Variants in KCTD17 observed in about 807,000 individuals in gnomAD.
KCTD17 encodes the protein BTB/POZ domain-containing protein KCTD17.
A neutral mutation model predicts 41.5 loss-of-function variants in KCTD17; 20 were observed. The observed-to-expected ratio is 0.48, with a 90% CI of 0.34 to 0.70. KCTD17 has a LOEUF of 0.70. Ranked by LOEUF, KCTD17 falls within the 30% of genes least tolerant of loss-of-function variation. KCTD17 has a pLI of 0.01. For synonymous variants in KCTD17, 156 were observed against 173.8 expected, an observed-to-expected ratio of 0.90 and a Z score of 0.80; for missense variants, 317 against 427.2, an observed-to-expected ratio of 0.74 and a Z score of 2.27.
chr22:37,062,074 C>T, intron 8 of KCTD17: 1 of 981,128 alleles, frequency 1.0e-6, no homozygotes, highest in Non-Finnish European at 1.2e-6. Context: ...TTTCTGCCTG[C>T]TCTGTGACCT....
At position 37,053,890 on chromosome 22, in the gene KCTD17, A is replaced by G. The variant is rs373194937; in HGVS notation, c.298+682A>G. On this transcript the variant is annotated intron_variant, in intron 2 of 8. Coordinates refer to ENST00000403888, the MANE Select transcript of KCTD17 (RefSeq NM_001282684.2). The surrounding 1 kb of genome is among the most constrained non-coding windows in gnomAD (Gnocchi z 4.1). Reference sequence around the variant, plus strand: ...GCAGCCAGGGGCAAGGACTACAGTCAGTGCCAAGTTAACTCTTCTTTGGGA... The same window carrying G: ...GCAGCCAGGGGCAAGGACTACAGTCGGTGCCAAGTTAACTCTTCTTTGGGA... Among the ~76,000 whole-genome samples the G allele has an allele frequency of 1.1e-4, 17 of 152,226 alleles. No individual in the cohort carries two copies. Among genetic ancestry groups the G allele is most frequent in the South Asian group, 8.3e-4 (4 of 4,836 alleles).
chr22:37,055,750 C>T (rs1925030095), intron 2 of KCTD17, among the ~76,000 whole-genome samples: 1 of 152,140 alleles, frequency 6.6e-6, no homozygotes, highest in South Asian at 2.1e-4. Context: ...AGGGTATGTG[C>T]TTACAGTGGG....
rs1298032238 is a variant in KCTD17, at chr22:37,061,023, G to T, written c.713-81G>T. ...CAGAACCGGGGGCCCCGGGGCTGCTGGGGGGGCACCAGGGTTAGCTCAGCC... is the reference window on the plus strand; with the variant it reads ...CAGAACCGGGGGCCCCGGGGCTGCTTGGGGGGCACCAGGGTTAGCTCAGCC... On this transcript the variant is annotated intron_variant, in intron 6 of 8. Transcript: ENST00000403888. This position sits in a 1 kb window ranked among gnomAD's most constrained non-coding sequence, Gnocchi z 6.6. 1.6e-5 allele frequency: 25 copies of T among 1,548,124 alleles called. No homozygotes were observed. The highest frequency in any genetic ancestry group is 9.6e-5 in the African/African-American group (7 of 72,912).
chr22:37,062,488 C>T (rs1417847797), intron 8 of KCTD17, 37 bp from the exon 9 acceptor site: 6 of 1,599,574 alleles, frequency 3.8e-6, no homozygotes, highest in Admixed American at 3.4e-5. Flanking sequence ...ACCTCCGCCC[C>T]TCCCATCCTC....
chr22:37,061,705 G>A lies in KCTD17; in HGVS notation c.875+76G>A. 4.6e-6 allele frequency: 7 copies of A among 1,508,260 alleles called. No homozygotes were observed. Among genetic ancestry groups the A allele is most frequent in the Non-Finnish European group, 5.3e-6 (6 of 1,125,974 alleles). The allele number at this position is 1,508,260 out of a possible 1,614,324, so 93.4% of individuals were successfully genotyped here. A position where few individuals can be genotyped will look rare whatever the true frequency, so the allele number is the denominator to read the frequency against. On this transcript the variant is annotated intron_variant, in intron 8 of 8. Transcript: ENST00000403888. This position sits in a 1 kb window ranked among gnomAD's most constrained non-coding sequence, Gnocchi z 6.6. ...ATCTCTTGATCCTTGGACTTGAGCC[G>A]AGCTTTCGGCTGATTATCTCCACCC...
intron 1 of KCTD17, 153 bp downstream of exon 1, chr22:37,052,102 G>A: frequency 1.0e-6 from 1 of 963,816 alleles, no homozygotes; most frequent in South Asian, 2.5e-5. Flanking sequence ...AGGAGGGGAG[G>A]GGGAGGTGGG....
chr22:37,052,163 C>T (rs1468264440), intron 1 of KCTD17: 1 of 633,690 alleles, frequency 1.6e-6, no homozygotes, highest in Non-Finnish European at 2.4e-6. Flanking sequence ...CGACGCAGGC[C>T]GCGGCCATTA....
intron 2 of KCTD17, chr22:37,054,949 A>G (rs1334071136): frequency 1.3e-5 from 2 of 152,188 alleles, no homozygotes; most frequent in Non-Finnish European, 2.9e-5. Context: ...GCTTATGAAA[A>G]TCAGAAATTT....
chr22:37,055,461 C>T (rs1270565071), intron 2 of KCTD17: 2 of 152,262 alleles, frequency 1.3e-5, no homozygotes, highest in African/African-American at 4.8e-5. Flanking sequence ...TTTTGGGGAA[C>T]ACACACATTC....
At position 37,062,706 on chromosome 22, in the gene KCTD17, A is replaced by C; in HGVS notation, c.*112A>C. 1 of 1,525,594 alleles carries C rather than the reference A, an allele frequency of 6.6e-7. No individual in the cohort carries two copies. Among genetic ancestry groups the C allele is most frequent in the Non-Finnish European group, 8.8e-7 (1 of 1,135,128 alleles). The allele number at this position is 1,525,594 out of a possible 1,614,324, so 94.5% of individuals were successfully genotyped here. ...GGGGCTGTGACTTACTCCTGCCTCC[A>C]GGGGCGGGGCGGGGCCCCCCTGGGA... On this transcript the variant is annotated 3_prime_UTR_variant, in exon 9 of 9. Coordinates refer to ENST00000403888, the MANE Select transcript of KCTD17 (RefSeq NM_001282684.2).
intron 8 of KCTD17, 124 bp from the exon 9 acceptor site, chr22:37,062,397 CCTCT>C: frequency 1.2e-5 from 16 of 1,362,246 alleles, no homozygotes; most frequent in African/African-American, 1.5e-5. Context: ...GACTCAACTG[CCTCT>C]CTCTCTCTCC....
chr22:37,057,743 C>A (rs1925314114), intron 4 of KCTD17, among the ~76,000 whole-genome samples: 3 of 152,204 alleles, frequency 2.0e-5, no homozygotes. Flanking sequence ...TGGTGGGAGT[C>A]CTCACAGCAA....
At chr22:37,055,877 G>A (rs1925044761) in intron 2 of KCTD17, among the ~76,000 whole-genome samples, 2 of 152,240 alleles carry the variant, frequency 1.3e-5, no homozygotes, top group African/African-American at 2.4e-5. Flanking sequence ...GTTCAATGCA[G>A]ATGATGAAAG....
Position 37,051,813 on chromosome 22 carries a change from C to T in KCTD17, c.53C>T (p.Ala18Val). The change falls in exon 1 of 9, where the codon GCC becomes GTC. Residue 18 changes from alanine to valine, a missense_variant. By Grantham distance (64) the Ala-to-Val change is moderately conservative. This residue lies in a region of KCTD17 where 99 missense variants were observed against 166.5 expected (regional missense o/e 0.59). Coordinates refer to ENST00000403888, the MANE Select transcript of KCTD17 (RefSeq NM_001282684.2). ...AAPPAGAGGR[A>V]AGGWGKWVRL... is the part of the protein sequence containing the mutation. ...CCGCCGGCGGGGGCGGGCGGCCGCG[C>T]CGCAGGCGGCTGGGGCAAGTGGGTG... 1 of 1,283,204 alleles carries T rather than the reference C, an allele frequency of 7.8e-7. No homozygotes were observed. The highest frequency in any genetic ancestry group is 9.8e-7 in the Non-Finnish European group (1 of 1,015,504). 79.5% of individuals were successfully genotyped at this position (1,283,204 alleles called of 1,614,324 possible).
chr22:37,054,299 G>A (rs537299318), intron 2 of KCTD17, among the ~76,000 whole-genome samples: 12 of 152,284 alleles, frequency 7.9e-5, no homozygotes, highest in East Asian at 3.9e-4. Context: ...CAGCTGCGTC[G>A]CAGCCAGCAC....
Position 37,060,933 on chromosome 22 carries a change from C to T in KCTD17, c.712+11C>T. On this transcript the variant is annotated intron_variant, in intron 6 of 8. Coordinates refer to ENST00000403888, the MANE Select transcript of KCTD17 (RefSeq NM_001282684.2). The stretch of plus-strand genomic sequence containing the variant: ...ATGCACAGGAGAAAGGTGCAGCCAA[C>T]CCCCAGGAGGATGATTGCTAAGCAA... 1.3e-6 allele frequency: 2 copies of T among 1,537,208 alleles called. No homozygotes were observed. Among genetic ancestry groups the T allele is most frequent in the Admixed American group, 2.0e-5 (1 of 50,062 alleles).
At position 37,061,338 on chromosome 22, in the gene KCTD17, C is replaced by A; in HGVS notation, c.784+163C>A. 6.7e-7 allele frequency: 1 copy of A among 1,488,346 alleles called. No homozygotes were observed. The highest frequency in any genetic ancestry group is 1.3e-5 in the South Asian group (1 of 74,916). 92.2% of individuals were successfully genotyped at this position (1,488,346 alleles called of 1,614,324 possible). ...CGTGCCCTCCACCCAGGCCCCCTGG[C>A]CCTGCATCCCAGAGCGTCCTGCCTG... On this transcript the variant is annotated intron_variant, in intron 7 of 8. Transcript: ENST00000403888. The surrounding 1 kb of genome is among the most constrained non-coding windows in gnomAD (Gnocchi z 6.6).
At chr22:37,057,161 A>G (rs922676692) in intron 3 of KCTD17, among the ~76,000 whole-genome samples, 3 of 152,170 alleles carry the variant, frequency 2.0e-5, no homozygotes, top group Non-Finnish European at 2.9e-5. Context: ...CTGAGCCTCA[A>G]TGGAAAGTCC....
chr22:37,060,557 C>T (rs1047698724), intron 5 of KCTD17, among the ~76,000 whole-genome samples: 7 of 152,216 alleles, frequency 4.6e-5, no homozygotes, highest in African/African-American at 1.4e-4. Context: ...CATCCCCTCC[C>T]TCCAGCCTCG....
Sources: gnomAD v4.1 joint callset for allele counts (sites outside exome capture counted in the v4.1 genomes callset) on GRCh38, gnomAD v4.1.1 for gene constraint, gnomAD v4.1.1 regional missense constraint, Gnocchi (gnomAD v3.1) non-coding constraint, MANE v1.5 for transcripts, NCBI Gene and HGNC (gene_info 2026-07-23, HGNC 2026-07-21) for gene names.